The following NTRK3 variants were observed in gnomAD, a reference collection of about 807,000 sequenced individuals.
NTRK3 encodes NT-3 growth factor receptor.
Under a neutral mutation model 91.7 loss-of-function variants are expected in NTRK3, and 24 were observed. The ratio of observed to expected loss-of-function variants is 0.26; its 90% CI spans 0.19 to 0.37. NTRK3 has a LOEUF of 0.37. NTRK3 is among the 10% of genes least tolerant of loss of function. The pLI, the probability that NTRK3 is intolerant of heterozygous loss-of-function variation, is 1.00. For missense variants in NTRK3, 880 were observed against 1,068.9 expected (o/e 0.82, Z 2.46); for synonymous variants, 483 against 404.0 (o/e 1.20, Z -2.34).
chr15:88,023,362 CT>C (rs963259904), intron 14 of NTRK3, among the ~76,000 whole-genome samples: 13 of 152,280 alleles, frequency 8.5e-5, no homozygotes, highest in Non-Finnish European at 1.8e-4. Context: ...CACAGAATTC[CT>C]GGGGGTCTCC....
intron 3 of NTRK3, among the ~76,000 whole-genome samples, chr15:88,231,875 A>C (rs2051216163): frequency 1.3e-5 from 2 of 152,232 alleles, no homozygotes; most frequent in South Asian, 4.1e-4. Context: ...TTCTTATTCT[A>C]TCTCCTACTT....
intron 3 of NTRK3, among the ~76,000 whole-genome samples, chr15:88,221,680 C>A (rs892460673): frequency 1.3e-5 from 2 of 151,994 alleles, no homozygotes; most frequent in Non-Finnish European, 2.9e-5. Context: ...TAAAATAAAA[C>A]AAAGAATTTG....
chr15:87,915,883 AAT>A (rs1485610732), intron 17 of NTRK3, among the ~76,000 whole-genome samples: 3 of 152,198 alleles, frequency 2.0e-5, no homozygotes, highest in African/African-American at 4.8e-5. Context: ...CCTAAGGCCA[AAT>A]AGCTCTCAGC....
exon 19 of NTRK3, chr15:87,861,595 T>A (rs1397139610): frequency 1.0e-5 from 2 of 193,280 alleles, no homozygotes; most frequent in Non-Finnish European, 2.2e-5. Flanking sequence ...TGAAAACAAG[T>A]CCCTTTCACT....
chr15:88,185,017 T>G (rs1427611917), intron 3 of NTRK3, among the ~76,000 whole-genome samples: 1 of 152,226 alleles, frequency 6.6e-6, no homozygotes, highest in Non-Finnish European at 1.5e-5. Context: ...ACCCAGTGAC[T>G]TTGAGCCAGT....
intron 6 of NTRK3, 38 bp downstream of exon 6, chr15:88,147,297 C>A (rs774527435): frequency 3.2e-6 from 5 of 1,583,876 alleles, no homozygotes; most frequent in Non-Finnish European, 4.3e-6. Flanking sequence ...CCATTACCAG[C>A]ACTTCAGTAC....
chr15:88,052,443 T>G (rs1452723101), intron 13 of NTRK3, among the ~76,000 whole-genome samples: 1 of 152,230 alleles, frequency 6.6e-6, no homozygotes, highest in Non-Finnish European at 1.5e-5. Flanking sequence ...AATTCTCTAG[T>G]TTGGAGTAAG....
intron 15 of NTRK3, among the ~76,000 whole-genome samples, chr15:87,936,559 G>C (rs1383495476): frequency 6.7e-6 from 1 of 150,372 alleles, no homozygotes; most frequent in Non-Finnish European, 1.5e-5. Flanking sequence ...TTTTTTTTAG[G>C]GGGAGATATT....
intron 17 of NTRK3, among the ~76,000 whole-genome samples, chr15:87,899,597 A>G (rs942580037): frequency 6.6e-6 from 1 of 152,154 alleles, no homozygotes; most frequent in Non-Finnish European, 1.5e-5. Context: ...TTGTTTTATT[A>G]ACTGCCAACA....
At chr15:88,224,171 G>A (rs561000008) in intron 3 of NTRK3, among the ~76,000 whole-genome samples, 1 of 152,336 alleles carries the variant, frequency 6.6e-6, no homozygotes, top group Admixed American at 6.5e-5. Flanking sequence ...GCCCCTTTGT[G>A]AGCATGGGGC....
intron 3 of NTRK3, among the ~76,000 whole-genome samples, chr15:88,218,819 G>A (rs1040579199): frequency 2.0e-5 from 3 of 152,254 alleles, no homozygotes; most frequent in African/African-American, 7.2e-5. Flanking sequence ...CCTGTGAGAG[G>A]TGGAGCTTTA....
At chr15:87,969,978 GAGA>G (rs1021421874) in intron 14 of NTRK3, among the ~76,000 whole-genome samples, 12 of 152,198 alleles carry the variant, frequency 7.9e-5, no homozygotes, top group African/African-American at 2.4e-4. Context: ...TTCAGAGAGA[GAGA>G]AGGACCAGGA....
At chr15:87,883,156 C>G (rs2065344498) in intron 17 of NTRK3, among the ~76,000 whole-genome samples, 1 of 150,718 alleles carries the variant, frequency 6.6e-6, no homozygotes, top group Non-Finnish European at 1.5e-5. Flanking sequence ...TAGCCAATTA[C>G]ATTTCTTTTA....
chr15:87,934,505 C>G (rs769063948), intron 15 of NTRK3, among the ~76,000 whole-genome samples: 1 of 152,158 alleles, frequency 6.6e-6, no homozygotes, highest in East Asian at 1.9e-4. Flanking sequence ...TTTCTCCTGT[C>G]CCTGCAGCCC....
chr15:87,964,323 G>A, intron 14 of NTRK3, among the ~76,000 whole-genome samples: 1 of 151,044 alleles, frequency 6.6e-6, no homozygotes, highest in East Asian at 1.9e-4. Context: ...GCAGTAATTT[G>A]GATAAATAAT....
intron 5 of NTRK3, among the ~76,000 whole-genome samples, chr15:88,171,235 G>A (rs947798471): frequency 6.6e-6 from 1 of 152,104 alleles, no homozygotes; most frequent in African/African-American, 2.4e-5. Context: ...CTGGCTCCAG[G>A]TCACCACACC....
intron 14 of NTRK3, among the ~76,000 whole-genome samples, chr15:87,960,729 C>G (rs1019524733): frequency 1.3e-5 from 2 of 152,178 alleles, no homozygotes; most frequent in Non-Finnish European, 2.9e-5. Context: ...AAAGAATCTG[C>G]CTGCCTTGGC....
intron 3 of NTRK3, among the ~76,000 whole-genome samples, chr15:88,217,303 G>A (rs4887383): frequency 0.78 from 118,512 of 152,208 alleles, 48,226 homozygotes; most frequent in East Asian, 0.99. Context: ...CGGTATACCC[G>A]TGTTCTCAGC....
At position 88,240,786 on chromosome 15, in the gene NTRK3, G is replaced by A. The variant is rs2052274403; in HGVS notation, c.248+15120C>T. 6.6e-6 allele frequency among the ~76,000 whole-genome samples: 1 copy of A among 152,256 alleles called. No homozygotes were observed. ...TCCCCTTAAAGGAGCCCCCAGAGCA[G>A]TCATCACACAGCATTTGCTGTCACT... On this transcript the variant is annotated intron_variant, in intron 3 of 18. Transcript: ENST00000394480. This position sits in a 1 kb window ranked among gnomAD's most constrained non-coding sequence, Gnocchi z 4.9.
Sources: gnomAD v4.1 joint callset for allele counts (sites outside exome capture counted in the v4.1 genomes callset) on GRCh38, gnomAD v4.1.1 for gene constraint, Gnocchi (gnomAD v3.1) non-coding constraint, MANE v1.5 for transcripts, NCBI Gene and HGNC (gene_info 2026-07-23, HGNC 2026-07-21) for gene names.